Variants in IFT140 observed in about 807,000 individuals in gnomAD.
The protein encoded by IFT140 is intraflagellar transport 140, also known as intraflagellar transport protein 140 homolog.
IFT140 carries 133 observed loss-of-function variants against 164.6 expected under a neutral mutation model. That is an observed-to-expected ratio of 0.81 (90% CI 0.70 to 0.93). IFT140 has a LOEUF of 0.93. Among genes scored for constraint, IFT140 ranks in the 40% least tolerant of loss-of-function variants. The pLI, the probability that IFT140 is intolerant of heterozygous loss-of-function variation, is 0.00. For synonymous variants in IFT140, 860 were observed against 817.3 expected (o/e 1.05, Z -0.89); for missense variants, 2,045 against 1,972.3 (o/e 1.04, Z -0.70).
chr16:1,513,214 G>A (rs1197473456), intron 30 of IFT140: 1 of 152,256 alleles, frequency 6.6e-6, no homozygotes, highest in Non-Finnish European at 1.5e-5. Flanking sequence ...AAGAGGCCGG[G>A]CGCGGTGGCT....
In IFT140 at chr16:1,562,054, G is replaced by A. The variant is rs1486919464; in HGVS notation, c.2130C>T (p.Ser710=). Residue 710 remains serine, a synonymous_variant, in exon 18 of 31, where the codon AGC becomes AGT. Coordinates refer to ENST00000426508, the MANE Select transcript of IFT140 (RefSeq NM_014714.4). The part of the protein sequence containing the change: ...SEEHGFLLHE[S]FPRPATSHSL... ...TGTGGGAGGTGGCAGGCCGGGGGAA[G>A]CTCTCATGAAGCAGGAAGCCGTGCT... The A allele has an allele frequency of 3.7e-6, 6 of 1,612,228 alleles. No individual in the cohort carries two copies. Among genetic ancestry groups the A allele is most frequent in the South Asian group, 2.2e-5 (2 of 90,460 alleles).
chr16:1,588,639 G>A (rs1190933023), intron 7 of IFT140, among the ~76,000 whole-genome samples: 3 of 151,672 alleles, frequency 2.0e-5, no homozygotes, highest in Non-Finnish European at 4.4e-5. Flanking sequence ...GGTGCTCCCT[G>A]TTCATCCAAC....
chr16:1,569,243 C>T (rs1285150238), intron 14 of IFT140, among the ~76,000 whole-genome samples: 8 of 152,052 alleles, frequency 5.3e-5, no homozygotes, highest in East Asian at 3.9e-4. Context: ...TCCTTGACCT[C>T]GTGATCCGCC....
chr16:1,526,219 A>C (rs1002223511), intron 20 of IFT140, 142 bp from the exon 21 acceptor site: 14 of 781,668 alleles, frequency 1.8e-5, no homozygotes, highest in Non-Finnish European at 2.6e-5. Flanking sequence ...GGGCACAGCA[A>C]ACGCCACACA....
At chr16:1,529,893 G>A (rs891579645) in intron 19 of IFT140, among the ~76,000 whole-genome samples, 1 of 152,100 alleles carries the variant, frequency 6.6e-6, no homozygotes, top group African/African-American at 2.4e-5. Context: ...TGCAGTGCAG[G>A]GGTCACATCT....
chr16:1,523,417 C>G (rs1161360463), intron 26 of IFT140, 101 bp downstream of exon 26: 1 of 1,324,252 alleles, frequency 7.6e-7, no homozygotes, highest in Admixed American at 2.0e-5. Context: ...TCCTGGAGAA[C>G]TCATAACCAA....
At chr16:1,541,125 A>G in intron 19 of IFT140, 2 of 985,432 alleles carry the variant, frequency 2.0e-6, no homozygotes, top group Non-Finnish European at 2.4e-6. Context: ...CTGACCACGC[A>G]TCCATGTGCC....
At chr16:1,540,994 T>G in intron 19 of IFT140, 2 of 985,202 alleles carry the variant, frequency 2.0e-6, no homozygotes, top group Non-Finnish European at 2.4e-6. Flanking sequence ...TTTGGGCCCC[T>G]GTGTAAGGTT....
At position 1,510,884 on chromosome 16, in the gene IFT140, C is replaced by CA. The variant is rs543398853; in HGVS notation, c.*59dup. 248 of 1,504,178 alleles carry CA rather than the reference C, an allele frequency of 1.6e-4. No individual in the cohort carries two copies. Among genetic ancestry groups the CA allele is most frequent in the Non-Finnish European group, 2.2e-4 (239 of 1,097,454 alleles). The allele number at this position is 1,504,178 out of a possible 1,614,324, so 93.2% of individuals were successfully genotyped here. A position where few individuals can be genotyped will look rare whatever the true frequency, so the allele number is the denominator to read the frequency against. ...AAAATGCTGGCTTTGCCACAGCTGA[C>CA]AAAAAAATTCCAGAAGATGCCTTTC... is the stretch of plus-strand genomic sequence containing the variant. On this transcript the variant is annotated 3_prime_UTR_variant, in exon 31 of 31. Transcript: ENST00000426508.
In IFT140 at chr16:1,558,093, G is replaced by A. The variant is rs1490479630; in HGVS notation, c.2241C>T (p.Cys747=). ...ADREDEVEPG[C]HHIPQMVSRR... ...TGGACACCATCTGAGGGATGTGGTG[G>A]CACCCAGGCTCCACCTCGTCTTCTC... The change falls in exon 19 of 31, where the codon TGC becomes TGT. Residue 747 remains cysteine (C), a synonymous_variant. Transcript: ENST00000426508. 1 of 1,614,142 alleles carries A rather than the reference G, an allele frequency of 6.2e-7. No individual in the cohort carries two copies. Among genetic ancestry groups the A allele is most frequent in the South Asian group, 1.1e-5 (1 of 91,088 alleles).
intron 19 of IFT140, among the ~76,000 whole-genome samples, chr16:1,527,574 G>C (rs961634082): frequency 6.6e-6 from 1 of 152,158 alleles, no homozygotes; most frequent in African/African-American, 2.4e-5. Context: ...TGCCTCTTAG[G>C]GTTTTTTTGT....
chr16:1,554,728 G>T, intron 19 of IFT140: 1 of 1,598,628 alleles, frequency 6.3e-7, no homozygotes, highest in South Asian at 1.1e-5. Flanking sequence ...TGGGGAAGGA[G>T]TGGAACCCGC....
rs2141233269 is a variant in IFT140 at position 1,533,690 on chromosome 16, G to T, written c.2400-6894C>A. ...CCATTTCCTCTCTGCTGAGAGCCAG[G>T]GAAGGCGAGCTCTGCGCACACGGGC... is the stretch of plus-strand genomic sequence containing the variant. On this transcript the variant is annotated intron_variant, in intron 19 of 30. Transcript: ENST00000426508. The surrounding 1 kb of genome is among the most constrained non-coding windows in gnomAD (Gnocchi z 4.7). 1 of 153,040 alleles carries T rather than the reference G, an allele frequency of 6.5e-6. No homozygotes were observed. Among genetic ancestry groups the T allele is most frequent in the African/African-American group, 2.4e-5 (1 of 41,598 alleles). The allele number at this position is 153,040 out of a possible 1,614,324, so 9.5% of individuals were successfully genotyped here. A position where few individuals can be genotyped will look rare whatever the true frequency, so the allele number is the denominator to read the frequency against.
chr16:1,570,840 C>T (rs577580552), intron 14 of IFT140, among the ~76,000 whole-genome samples: 2 of 152,272 alleles, frequency 1.3e-5, no homozygotes, highest in East Asian at 1.9e-4. Context: ...ACCGCAACCT[C>T]GATCTCCGAG....
Position 1,516,139 on chromosome 16 carries a change from C to CAAAAAAAAAAAAA in IFT140, c.4182+2064_4182+2076dup, listed in dbSNP as rs869165237. ...GGCTACAAAGAGCAAAACTCTGTCT[C>CAAAAAAAAAAAAA]AAAAAAAAAAAAAAAAAAAAAAAAA... On this transcript the variant is annotated intron_variant, in intron 30 of 30. Coordinates refer to ENST00000426508, the MANE Select transcript of IFT140 (RefSeq NM_014714.4). 5.4e-4 allele frequency among the ~76,000 whole-genome samples: 25 copies of CAAAAAAAAAAAAA among 46,024 alleles called. 7 individuals carry two copies. Among genetic ancestry groups the CAAAAAAAAAAAAA allele is most frequent in the Admixed American group, 9.8e-4 (3 of 3,058 alleles). 30.2% of individuals were successfully genotyped at this position (46,024 alleles called of 152,430 possible).
chr16:1,548,775 G>A lies in IFT140; in HGVS notation c.2399+9160C>T, dbSNP rs147245553. Among the ~76,000 whole-genome samples, 6 of 152,350 alleles carry A rather than the reference G, an allele frequency of 3.9e-5. No individual in the cohort carries two copies. In the East Asian group the frequency reaches 9.6e-4, roughly 24 times the overall value. The stretch of plus-strand genomic sequence containing the variant: ...AAGGCTTCAGAACGGCATCCACAGC[G>A]CAGTGCGATCATGCAGCTGACTCAG... On this transcript the variant is annotated intron_variant, in intron 19 of 30. Transcript: ENST00000426508.
In IFT140 at chr16:1,589,641, C is replaced by A. The variant is rs746955795; in HGVS notation, c.774G>T (p.Thr258=). Residue 258 remains threonine, a synonymous_variant, in exon 7 of 31, where the codon ACG becomes ACT. Transcript: ENST00000426508. ...CTTCTGCTTTGCCCTCAGGAGGCAC[C>A]GTGTACAGGGACAGCCGGAGGTTCT... The part of the protein sequence containing the change: ...VTENLRLSLY[T]VPPEGKAEEV... 6.2e-7 allele frequency: 1 copy of A among 1,614,124 alleles called. No individual in the cohort carries two copies. The highest frequency in any genetic ancestry group is 1.7e-5 in the Admixed American group (1 of 60,016).
chr16:1,573,307 G>A (rs1454176427), intron 13 of IFT140, among the ~76,000 whole-genome samples: 1 of 152,128 alleles, frequency 6.6e-6, no homozygotes, highest in African/African-American at 2.4e-5. Flanking sequence ...GAGAGCACTG[G>A]AGGCTCCTCG....
intron 4 of IFT140, among the ~76,000 whole-genome samples, chr16:1,598,877 C>G (rs2035603990): frequency 6.7e-6 from 1 of 149,128 alleles, no homozygotes; most frequent in Admixed American, 6.6e-5. Flanking sequence ...GGCCGCCCAT[C>G]GTCTGGGATG....
Sources: gnomAD v4.1 joint callset for allele counts (sites outside exome capture counted in the v4.1 genomes callset) on GRCh38, gnomAD v4.1.1 for gene constraint, Gnocchi (gnomAD v3.1) non-coding constraint, MANE v1.5 for transcripts, NCBI Gene and HGNC (gene_info 2026-07-23, HGNC 2026-07-21) for gene names.